The following UTP20 variants were observed in gnomAD, a reference collection of about 807,000 sequenced individuals.
UTP20 encodes the protein small subunit processome component 20 homolog.
In UTP20, 164 loss-of-function variants were observed where a neutral mutation model predicts 329.5. The observed-to-expected ratio is 0.50, with a 90% confidence interval of 0.44 to 0.57. The LOEUF (loss-of-function observed/expected upper bound fraction) is 0.57, where lower values mean the gene tolerates loss of function less well. Among genes scored for constraint, UTP20 ranks in the 20% least tolerant of loss-of-function variants. UTP20 has a pLI of 0.00. For missense variants in UTP20, 3,055 were observed against 3,284.2 expected (o/e 0.93, Z 1.71); for synonymous variants, 1,151 against 1,159.3 (o/e 0.99, Z 0.14).
chr12:101,325,646 A>G (rs535942929), intron 25 of UTP20, among the ~76,000 whole-genome samples: 2 of 152,350 alleles, frequency 1.3e-5, no homozygotes, highest in African/African-American at 2.4e-5. Flanking sequence ...GGCTGTCTCA[A>G]TGAATGGCAC....
chr12:101,328,573 GT>G (rs1483231044), intron 26 of UTP20, among the ~76,000 whole-genome samples: 2 of 152,102 alleles, frequency 1.3e-5, no homozygotes, highest in African/African-American at 2.4e-5. Context: ...TGTATAGAAA[GT>G]TACCAGATGG....
chr12:101,331,158 C>A (rs1158098472), intron 27 of UTP20, among the ~76,000 whole-genome samples: 2 of 152,124 alleles, frequency 1.3e-5, no homozygotes, highest in African/African-American at 4.8e-5. Context: ...TATGATTGCT[C>A]ATTTTCAGGA....
chr12:101,383,102 A>G lies in UTP20; in HGVS notation c.7718A>G (p.Asp2573Gly). Residue 2573 changes from aspartate to glycine, a missense_variant, in exon 59 of 62, where the codon GAT becomes GGT. Physicochemically the swap from Asp to Gly is moderately conservative, Grantham distance 94. Coordinates refer to ENST00000261637, the MANE Select transcript of UTP20 (RefSeq NM_014503.3). ...TATTTACTGGAACTTTATTGTGAGG[A>G]TAAGCAAAGTAAGATAAAAGAAGAC... ...VLYLLELYCE[D>G]KQSKIKEDLE... The G allele has an allele frequency of 6.2e-7, 1 of 1,613,604 alleles. No individual in the cohort carries two copies. The highest frequency in any genetic ancestry group is 8.5e-7 in the Non-Finnish European group (1 of 1,179,792).
Position 101,295,538 on chromosome 12 carries a change from T to C in UTP20, c.1310T>C (p.Val437Ala). 1 of 1,613,000 alleles carries C rather than the reference T, an allele frequency of 6.2e-7. No individual in the cohort carries two copies. Among genetic ancestry groups the C allele is most frequent in the Non-Finnish European group, 8.5e-7 (1 of 1,179,598 alleles). Residue 437 changes from valine (V) to alanine (A), a missense_variant, in exon 12 of 62, where the codon GTA (valine) becomes GCA (alanine). By Grantham distance (64) the Val-to-Ala change is moderately conservative. Transcript: ENST00000261637. Reference protein sequence around the residue: ...IVNCFLIDDAVVKDEALAILA... With the variant: ...IVNCFLIDDAAVKDEALAILA... Reference sequence around the variant, plus strand: ...AATTGCTTCTTAATTGATGATGCTGTAGTCAAAGATGAAGCTCTGGCCATT... The same window carrying C: ...AATTGCTTCTTAATTGATGATGCTGCAGTCAAAGATGAAGCTCTGGCCATT...
chr12:101,334,576 A>T, intron 29 of UTP20, 72 bp downstream of exon 29: 1 of 1,275,374 alleles, frequency 7.8e-7, no homozygotes, highest in East Asian at 2.4e-5. Flanking sequence ...CAGTCCAGGA[A>T]ACTAATAGTG....
chr12:101,362,151 C>T (rs893176800), intron 44 of UTP20, 91 bp downstream of exon 44: 1 of 934,298 alleles, frequency 1.1e-6, no homozygotes, highest in Non-Finnish European at 1.7e-6. Flanking sequence ...AATAATAGCC[C>T]ATAAAAATGA....
rs138606783 is a variant in UTP20 at position 101,302,534 on chromosome 12, C to T, written c.1762C>T (p.Arg588Cys). 12 of 1,607,330 alleles carry T rather than the reference C, an allele frequency of 7.5e-6. No individual in the cohort carries two copies. Among genetic ancestry groups the T allele is most frequent in the African/African-American group, 2.7e-5 (2 of 74,600 alleles). ...SELLHLVPVE[R>C]VKNLVLTFPL... The stretch of plus-strand genomic sequence containing the variant: ...ACTTCTTCATTTGGTTCCTGTGGAA[C>T]GTGTGAAGAATTTAGTATTGTAAGT... Residue 588 changes from arginine (R) to cysteine (C), a missense_variant, in exon 15 of 62, where the codon CGT becomes TGT. Physicochemically the swap from Arg to Cys is radical, Grantham distance 180. Transcript: ENST00000261637.
intron 11 of UTP20, among the ~76,000 whole-genome samples, chr12:101,294,926 C>T (rs565462973): frequency 6.6e-6 from 1 of 152,322 alleles, no homozygotes; most frequent in African/African-American, 2.4e-5. Context: ...AAGAGTCTGT[C>T]TTCCAGCAGC....
intron 38 of UTP20, among the ~76,000 whole-genome samples, chr12:101,348,600 G>A (rs769010843): frequency 6.6e-6 from 1 of 151,628 alleles, no homozygotes; most frequent in South Asian, 2.1e-4. Context: ...TCTTTGTGGA[G>A]ATCCAGTTAT....
intron 48 of UTP20, among the ~76,000 whole-genome samples, chr12:101,368,625 A>AATC (rs910258937): frequency 2.6e-5 from 4 of 152,052 alleles, no homozygotes; most frequent in Non-Finnish European, 5.9e-5. Flanking sequence ...TCCCCTTACC[A>AATC]ATCATCATCA....
chr12:101,383,795 T>TA, intron 60 of UTP20, 126 bp downstream of exon 60: 2 of 375,178 alleles, frequency 5.3e-6, no homozygotes, highest in Non-Finnish European at 7.8e-6. Context: ...TATATATATA[T>TA]TTTAATTATA....
chr12:101,384,655 T>C (rs745885553), intron 60 of UTP20, among the ~76,000 whole-genome samples: 36 of 152,318 alleles, frequency 2.4e-4, no homozygotes, highest in Admixed American at 7.2e-4. Context: ...CCCTCACTTA[T>C]TCTAATTGTT....
At chr12:101,379,662 C>A in intron 57 of UTP20, 104 bp downstream of exon 57, 3 of 1,262,818 alleles carry the variant, frequency 2.4e-6, no homozygotes, top group Admixed American at 2.3e-5. Context: ...CTCTTCCAAC[C>A]AACAATTTGT....
In UTP20 at chr12:101,386,311, A is replaced by G. The variant is rs1220742239; in HGVS notation, c.*188A>G. 4.0e-6 allele frequency: 2 copies of G among 494,556 alleles called. No individual in the cohort carries two copies. The highest frequency in any genetic ancestry group is 7.3e-5 in the East Asian group (2 of 27,514). 30.6% of individuals were successfully genotyped at this position (494,556 alleles called of 1,614,324 possible). On this transcript the variant is annotated 3_prime_UTR_variant, in exon 62 of 62. Transcript: ENST00000261637. ...TGCAGCCTCAACCTGGGTTCAAGTG[A>G]TCCTCTCACCTCAGCCTCCCAAGTA...
chr12:101,339,001 G>T, intron 31 of UTP20, 44 bp downstream of exon 31: 2 of 1,526,584 alleles, frequency 1.3e-6, no homozygotes, highest in Non-Finnish European at 1.7e-6. Context: ...TACCATCCTT[G>T]GTTTTAACTT....
chr12:101,289,266 A>C (rs896956794), intron 6 of UTP20, among the ~76,000 whole-genome samples: 6 of 152,092 alleles, frequency 3.9e-5, no homozygotes, highest in African/African-American at 1.4e-4. Flanking sequence ...ATCCTCAGCT[A>C]CTTGGGAGGC....
chr12:101,286,642 G>C, intron 5 of UTP20, 133 bp downstream of exon 5: 1 of 688,446 alleles, frequency 1.5e-6, no homozygotes, highest in Non-Finnish European at 2.1e-6. Context: ...TCCAGCCAAA[G>C]TGGTCCACAA....
At chr12:101,287,790 C>T (rs561818273) in intron 5 of UTP20, among the ~76,000 whole-genome samples, 2 of 152,336 alleles carry the variant, frequency 1.3e-5, no homozygotes, top group African/African-American at 2.4e-5. Flanking sequence ...GTCTGTATGT[C>T]AGGCACTTGA....
At position 101,288,999 on chromosome 12, in the gene UTP20, A is replaced by G; in HGVS notation, c.555A>G (p.Ile185Met). 1 of 1,613,992 alleles carries G rather than the reference A, an allele frequency of 6.2e-7. No homozygotes were observed. ...STLLAHKKLH[I>M]RNFAAESFTF... Reference sequence around the variant, plus strand: ...TCCTGGCTCATAAAAAACTACATATAAGAAATTTTGCTGCTGAAAGTTTTA... The same window carrying G: ...TCCTGGCTCATAAAAAACTACATATGAGAAATTTTGCTGCTGAAAGTTTTA... The change falls in exon 6 of 62, where the codon ATA becomes ATG. Residue 185 changes from isoleucine (I) to methionine (M), a missense_variant. Physicochemically the swap from Ile to Met is conservative, Grantham distance 10. This residue lies in a region of UTP20 where 2,445 missense variants were observed against 2,575.5 expected (regional missense o/e 0.95). Transcript: ENST00000261637.
Sources: allele counts gnomAD v4.1 joint callset (sites outside exome capture counted in the v4.1 genomes callset), GRCh38; gene constraint gnomAD v4.1.1; regional missense constraint gnomAD v4.1.1; transcripts MANE v1.5; gene names NCBI Gene and HGNC (gene_info 2026-07-23, HGNC 2026-07-21).